The following NSUN6 variants were observed in gnomAD, a reference collection of about 807,000 sequenced individuals.
NSUN6 encodes tRNA (cytosine(72)-C(5))-methyltransferase NSUN6.
NSUN6 carries 64 observed loss-of-function variants against 58.0 expected under a neutral mutation model. The observed-to-expected ratio is 1.10, with a 90% confidence interval of 0.90 to 1.36. The LOEUF is 1.36. Among genes scored for constraint, NSUN6 ranks in the 40% most tolerant of loss-of-function variants. NSUN6 has a pLI of 0.00. For synonymous variants in NSUN6, 231 were observed against 193.9 expected, an observed-to-expected ratio of 1.19 and a Z score of -1.59; for missense variants, 701 against 550.1, an observed-to-expected ratio of 1.27 and a Z score of -2.74.
At chr10:18,588,196 G>A in intron 7 of NSUN6, among the ~76,000 whole-genome samples, 1 of 152,188 alleles carries the variant, frequency 6.6e-6, no homozygotes, top group East Asian at 1.9e-4. Context: ...AAGCAGTTGT[G>A]GCCAGACTGC....
chr10:18,623,351 G>T (rs1189203852), intron 3 of NSUN6, among the ~76,000 whole-genome samples: 1 of 152,238 alleles, frequency 6.6e-6, no homozygotes, highest in South Asian at 2.1e-4. Context: ...GAAAGGGGGG[G>T]AAAAGAATAA....
At chr10:18,648,428 T>C (rs2059611000) in intron 2 of NSUN6, 62 bp downstream of exon 2, 1 of 1,063,544 alleles carries the variant, frequency 9.4e-7, no homozygotes, top group Non-Finnish European at 1.4e-6. Context: ...AGGATTTTAA[T>C]GGAAAACATG....
intron 3 of NSUN6, among the ~76,000 whole-genome samples, chr10:18,629,887 C>G (rs1287993710): frequency 2.0e-5 from 3 of 149,814 alleles, no homozygotes; most frequent in African/African-American, 7.4e-5. Context: ...TTGAACTCAG[C>G]TCTGCACCAA....
At chr10:18,549,399 C>G (rs1403536458) in intron 9 of NSUN6, among the ~76,000 whole-genome samples, 1 of 152,286 alleles carries the variant, frequency 6.6e-6, no homozygotes, top group South Asian at 2.1e-4. Flanking sequence ...CTTATCTTTG[C>G]ATGTATGTCA....
At chr10:18,652,375 T>C, upstream of NSUN6, 1 of 983,750 alleles carries the variant, frequency 1.0e-6, no homozygotes, top group Non-Finnish European at 1.2e-6. Flanking sequence ...CATGGTAATT[T>C]ACACATAAGT....
intron 2 of NSUN6, among the ~76,000 whole-genome samples, chr10:18,646,849 T>C (rs1169197245): frequency 1.3e-5 from 2 of 152,004 alleles, no homozygotes; most frequent in Non-Finnish European, 1.5e-5. Context: ...ACAAAAAAAA[T>C]CTGGATCTGA....
intron 6 of NSUN6, among the ~76,000 whole-genome samples, chr10:18,604,765 A>T (rs1346820417): frequency 1.3e-5 from 2 of 151,942 alleles, no homozygotes; most frequent in Non-Finnish European, 2.9e-5. Flanking sequence ...GCATGCCTGT[A>T]GCTCCAGCTA....
chr10:18,603,283 A>C (rs544654323), intron 6 of NSUN6, among the ~76,000 whole-genome samples: 457 of 152,222 alleles, frequency 3.0e-3, no homozygotes, highest in Middle Eastern at 6.8e-3. Flanking sequence ...TACAGAATCA[A>C]AACAGTAGAC....
chr10:18,560,433 G>A (rs1437188181), intron 8 of NSUN6, among the ~76,000 whole-genome samples: 1 of 150,218 alleles, frequency 6.7e-6, no homozygotes, highest in Non-Finnish European at 1.5e-5. Flanking sequence ...AGAAAATGGA[G>A]AATGGAGAAT....
upstream of NSUN6, chr10:18,655,153 T>C (rs2059763812): frequency 2.0e-6 from 2 of 983,774 alleles, no homozygotes; most frequent in Admixed American, 6.1e-5. Context: ...CTCGCTGCTT[T>C]ATCTTGCTCG....
In NSUN6 at chr10:18,553,929, G is replaced by C. The variant is rs1330677823; in HGVS notation, c.923-1958C>G. Among the ~76,000 whole-genome samples the C allele has an allele frequency of 2.0e-5, 3 of 149,890 alleles. No individual in the cohort carries two copies. The East Asian group carries it at 6.0e-4, about 30-fold the overall frequency. On this transcript the variant is annotated intron_variant, in intron 8 of 10. Coordinates refer to ENST00000377304, the MANE Select transcript of NSUN6 (RefSeq NM_182543.5). Reference sequence around the variant, plus strand: ...ATGGAATGGAATGGAATGGAGAACGGTATGGAATGGAATGGAATGGAGAAT... The same window carrying C: ...ATGGAATGGAATGGAATGGAGAACGCTATGGAATGGAATGGAATGGAGAAT...
At chr10:18,590,481 T>A (rs1233758994) in intron 7 of NSUN6, among the ~76,000 whole-genome samples, 1 of 152,206 alleles carries the variant, frequency 6.6e-6, no homozygotes, top group African/African-American at 2.4e-5. Context: ...TGGCACTTAT[T>A]CTAAACTCGA....
intron 7 of NSUN6, among the ~76,000 whole-genome samples, chr10:18,588,599 C>G (rs549827849): frequency 3.2e-4 from 49 of 152,194 alleles, no homozygotes; most frequent in Admixed American, 9.2e-4. Flanking sequence ...GCAATTTTTG[C>G]TGTTCTGCAG....
In NSUN6 at chr10:18,651,461, G is replaced by C. The variant is rs1286629912; in HGVS notation, c.-258C>G. The C allele has an allele frequency of 1.7e-6, 2 of 1,179,398 alleles. No homozygotes were observed. The highest frequency in any genetic ancestry group is 4.6e-5 in the Admixed American group (1 of 21,786). 73.1% of individuals were successfully genotyped at this position (1,179,398 alleles called of 1,614,324 possible). A position where few individuals can be genotyped will look rare whatever the true frequency, so the allele number is the denominator to read the frequency against. ...TAGAGATGCTCATGGAAATCACTGA[G>C]CCAATGCCACTCACGTTGCAAAGAA... On this transcript the variant is annotated 5_prime_UTR_variant, in exon 1 of 11. Transcript: ENST00000377304.
upstream of NSUN6, among the ~76,000 whole-genome samples, chr10:18,657,605 CTTTAT>C (rs770818900): frequency 8.6e-4 from 131 of 151,890 alleles, no homozygotes; most frequent in South Asian, 1.9e-3. Context: ...TCTGCATTTT[CTTTAT>C]TTTATTTTTA....
At chr10:18,586,204 T>C (rs887681238) in intron 7 of NSUN6, 111 bp from the exon 8 acceptor site, 14 of 790,882 alleles carry the variant, frequency 1.8e-5, no homozygotes, top group Non-Finnish European at 2.3e-5. Context: ...TTTTCCACCA[T>C]ACTCCCATCC....
Position 18,594,912 on chromosome 10 carries a change from G to GT in NSUN6, c.777+1295dup, listed in dbSNP as rs1349440294. 1.2e-4 allele frequency among the ~76,000 whole-genome samples: 18 copies of GT among 152,150 alleles called. No homozygotes were observed. The East Asian group carries it at 1.5e-3, about 13-fold the overall frequency. On this transcript the variant is annotated intron_variant, in intron 7 of 10. Transcript: ENST00000377304. ...GACAGTAGATGTCATGTAAGCAGAG[G>GT]TTTTTTTTAATACCATGAAAAGCAC... is the stretch of plus-strand genomic sequence containing the variant.
chr10:18,560,413 GC>G (rs2055405274), intron 8 of NSUN6, among the ~76,000 whole-genome samples: 1 of 150,288 alleles, frequency 6.7e-6, no homozygotes, highest in Admixed American at 6.7e-5. Context: ...AATGAAGTGG[GC>G]AACGGAACAG....
intron 8 of NSUN6, among the ~76,000 whole-genome samples, chr10:18,577,945 AG>A (rs2131040222): frequency 6.6e-6 from 1 of 152,348 alleles, no homozygotes; most frequent in Non-Finnish European, 1.5e-5. Context: ...CATACGCGTA[AG>A]GGATAAGAAC....
Sources: gnomAD v4.1 joint callset for allele counts (sites outside exome capture counted in the v4.1 genomes callset) on GRCh38, gnomAD v4.1.1 for gene constraint, MANE v1.5 for transcripts, NCBI Gene and HGNC (gene_info 2026-07-23, HGNC 2026-07-21) for gene names.